The following RIMS2 variants were observed in gnomAD, a reference collection of about 807,000 sequenced individuals.
RIMS2 encodes regulating synaptic membrane exocytosis protein 2.
In RIMS2, 59 loss-of-function variants were observed where a neutral mutation model predicts 174.4. The observed-to-expected ratio is 0.34, with a 90% confidence interval of 0.27 to 0.42. The LOEUF is 0.42. RIMS2 is among the 10% of genes least tolerant of loss of function. RIMS2 has a pLI of 1.00. For synonymous variants in RIMS2, 606 were observed against 572.5 expected, an observed-to-expected ratio of 1.06 and a Z score of -0.84; for missense variants, 1,620 against 1,666.3, an observed-to-expected ratio of 0.97 and a Z score of 0.48.
rs199959226 is a variant in RIMS2 at position 104,147,095 on chromosome 8, TAAC to T, written c.3335-97818_3335-97816del. 5.8e-3 allele frequency among the ~76,000 whole-genome samples: 882 copies of T among 152,308 alleles called. 6 individuals carry two copies. The highest frequency in any genetic ancestry group is 0.02 in the African/African-American group (849 of 41,574). On this transcript the variant is annotated intron_variant, in intron 19 of 23. Transcript: ENST00000504942. ...GTTAAACTTTGGCTCTTTTAAACGATAACAAGCCTTTTCTTTTTACTTTCTATC... is the reference window on the plus strand; with the variant it reads ...GTTAAACTTTGGCTCTTTTAAACGATAAGCCTTTTCTTTTTACTTTCTATC...
At chr8:104,189,779 A>G (rs1287766412) in intron 19 of RIMS2, among the ~76,000 whole-genome samples, 1 of 151,896 alleles carries the variant, frequency 6.6e-6, no homozygotes, top group Non-Finnish European at 1.5e-5. Context: ...TTATTAAATT[A>G]CGAAGTAAAC....
intron 19 of RIMS2, among the ~76,000 whole-genome samples, chr8:104,219,047 G>T (rs2099143884): frequency 6.6e-6 from 1 of 152,250 alleles, no homozygotes; most frequent in East Asian, 1.9e-4. Flanking sequence ...AAACTCTGGT[G>T]ATTTTTTAAA....
At chr8:103,848,258 G>T (rs1474191340) in intron 3 of RIMS2, among the ~76,000 whole-genome samples, 1 of 152,074 alleles carries the variant, frequency 6.6e-6, no homozygotes, top group Non-Finnish European at 1.5e-5. Flanking sequence ...GAATGAGGCT[G>T]CAGTGAAGAA....
At position 103,792,637 on chromosome 8, in the gene RIMS2, GTT is replaced by G. The variant is rs57893772; in HGVS notation, c.698+26117_698+26118del. On this transcript the variant is annotated intron_variant, in intron 3 of 23. Coordinates refer to ENST00000504942, the Ensembl canonical transcript of RIMS2. ...AAAAAATCAGTGAATCCAGGAGCTG[GTT>G]TTTTTTTTTTTTTTTTAAAGATCAA... is the stretch of plus-strand genomic sequence containing the variant. 3.1e-3 allele frequency among the ~76,000 whole-genome samples: 430 copies of G among 137,558 alleles called. 5 individuals are homozygous for G. The highest frequency in any genetic ancestry group is 1.9e-3 in the African/African-American group (72 of 37,426). The allele number at this position is 137,558 out of a possible 152,430, so 90.2% of individuals were successfully genotyped here.
exon 13 of RIMS2, chr8:103,936,629 A>G (rs367730974): frequency 3.2e-5 from 51 of 1,610,442 alleles, no homozygotes; most frequent in Non-Finnish European, 4.1e-5. Context: ...TTTATTCTCC[A>G]GTCCACCGAA....
chr8:103,951,328 C>T (rs1320535091), intron 14 of RIMS2, among the ~76,000 whole-genome samples: 9 of 152,180 alleles, frequency 5.9e-5, no homozygotes, highest in Middle Eastern at 3.2e-3. Flanking sequence ...GCAAGATGAC[C>T]GAATAGGAAC....
chr8:104,139,729 C>T (rs1156378381), intron 19 of RIMS2, among the ~76,000 whole-genome samples: 3 of 152,120 alleles, frequency 2.0e-5, no homozygotes, highest in Non-Finnish European at 4.4e-5. Flanking sequence ...TGACTTCTTT[C>T]TTTCCAATTT....
intron 1 of RIMS2, among the ~76,000 whole-genome samples, chr8:103,695,975 TC>T (rs2097096432): frequency 1.3e-5 from 2 of 152,166 alleles, no homozygotes; most frequent in South Asian, 4.1e-4. Context: ...TTCCAGGGAT[TC>T]TCTGAGGTTC....
At chr8:104,088,558 A>G (rs922997399) in intron 19 of RIMS2, among the ~76,000 whole-genome samples, 6 of 152,112 alleles carry the variant, frequency 3.9e-5, no homozygotes, top group South Asian at 2.1e-4. Context: ...TTGGGCTTCT[A>G]TATTATCCAG....
chr8:103,623,524 G>T (rs376800169), intron 1 of RIMS2, among the ~76,000 whole-genome samples: 1 of 112,640 alleles, frequency 8.9e-6, no homozygotes, highest in Non-Finnish European at 1.6e-5. Context: ...TCGCTCTGTC[G>T]CCCAGGCTGG....
intron 14 of RIMS2, among the ~76,000 whole-genome samples, chr8:103,951,546 G>T (rs368990843): frequency 3.3e-4 from 51 of 152,264 alleles, no homozygotes; most frequent in African/African-American, 1.2e-3. Context: ...AACCCATTAG[G>T]GACTGTACCT....
intron 19 of RIMS2, among the ~76,000 whole-genome samples, chr8:104,231,698 T>C (rs1373896672): frequency 2.0e-5 from 3 of 152,220 alleles, no homozygotes; most frequent in Admixed American, 6.5e-5. Flanking sequence ...ACAATACCTA[T>C]CTTGATGAAT....
chr8:103,688,531 C>T (rs2096970680), intron 1 of RIMS2, among the ~76,000 whole-genome samples: 1 of 152,030 alleles, frequency 6.6e-6, no homozygotes, highest in East Asian at 1.9e-4. Flanking sequence ...TTTGGTTTTG[C>T]ATCTATGTTC....
chr8:103,598,396 T>G (rs2094558004), intron 1 of RIMS2, among the ~76,000 whole-genome samples: 1 of 152,206 alleles, frequency 6.6e-6, no homozygotes, highest in Admixed American at 6.5e-5. Flanking sequence ...GATGAATGCA[T>G]TGAAAGATGT....
In RIMS2 at chr8:104,148,799, C is replaced by A. The variant is rs550276581; in HGVS notation, c.3335-96117C>A. On this transcript the variant is annotated intron_variant, in intron 19 of 23. Coordinates refer to ENST00000504942, the Ensembl canonical transcript of RIMS2. ...GCCTTGGTGCCAAAATGGTAGCTATCGTTGGTCTGTCACGGAAAAGTCGCA... is the reference window on the plus strand; with the variant it reads ...GCCTTGGTGCCAAAATGGTAGCTATAGTTGGTCTGTCACGGAAAAGTCGCA... 30 of 1,598,392 alleles carry A rather than the reference C, an allele frequency of 1.9e-5. No homozygotes were observed. In the African/African-American group the frequency reaches 3.6e-4, roughly 19 times the overall value.
intron 1 of RIMS2, among the ~76,000 whole-genome samples, chr8:103,532,448 A>C (rs1195380676): frequency 6.6e-6 from 1 of 152,202 alleles, no homozygotes; most frequent in Admixed American, 6.5e-5. Flanking sequence ...CAGAGAATGG[A>C]TCAGATATTA....
chr8:103,806,708 A>G (rs2098652616), intron 3 of RIMS2, among the ~76,000 whole-genome samples: 1 of 151,996 alleles, frequency 6.6e-6, no homozygotes, highest in Non-Finnish European at 1.5e-5. Flanking sequence ...TATTGAAGTC[A>G]TCCATTAGAG....
chr8:104,200,652 A>T (rs2099050044), intron 19 of RIMS2, among the ~76,000 whole-genome samples: 1 of 152,242 alleles, frequency 6.6e-6, no homozygotes, highest in East Asian at 1.9e-4. Context: ...TCACGCTGTA[A>T]TCCCAGCACT....
chr8:103,843,160 C>G (rs1364823752), intron 3 of RIMS2, among the ~76,000 whole-genome samples: 1 of 152,194 alleles, frequency 6.6e-6, no homozygotes, highest in Non-Finnish European at 1.5e-5. Context: ...ATTCAGCCCA[C>G]AAGATCATTT....
Sources: allele counts gnomAD v4.1 joint callset (sites outside exome capture counted in the v4.1 genomes callset), GRCh38; gene constraint gnomAD v4.1.1; transcripts MANE v1.5; gene names NCBI Gene and HGNC (gene_info 2026-07-23, HGNC 2026-07-21).